Variants in NRG3 observed in about 807,000 individuals in gnomAD.
NRG3 encodes the protein pro-neuregulin-3, membrane-bound isoform.
Under a neutral mutation model 66.9 loss-of-function variants are expected in NRG3, and 31 were observed. The ratio of observed to expected loss-of-function variants is 0.46; its 90% CI spans 0.35 to 0.63. NRG3 has a LOEUF of 0.63. NRG3 is among the 20% of genes least tolerant of loss of function. The pLI is 0.00. For missense variants in NRG3, 910 were observed against 878.9 expected (o/e 1.04, Z -0.45); for synonymous variants, 393 against 359.4 (o/e 1.09, Z -1.06).
At chr10:82,166,676 A>G (rs540137387) in intron 1 of NRG3, 6 of 500,886 alleles carry the variant, frequency 1.2e-5, no homozygotes, top group South Asian at 6.4e-5. Flanking sequence ...AAAAATATAT[A>G]TATTTACTAA....
At chr10:82,085,172 T>C (rs1297720592) in intron 1 of NRG3, among the ~76,000 whole-genome samples, 1 of 152,136 alleles carries the variant, frequency 6.6e-6, no homozygotes. Context: ...GAGAGAATGG[T>C]ACTTCAAGAT....
At chr10:82,240,771 G>A (rs954456250) in intron 1 of NRG3, among the ~76,000 whole-genome samples, 6 of 152,174 alleles carry the variant, frequency 3.9e-5, no homozygotes, top group Non-Finnish European at 8.8e-5. Context: ...TGTGTTTAGA[G>A]AGGACTTCTG....
Position 82,921,144 on chromosome 10 carries a change from T to C in NRG3, c.1055-30325T>C, listed in dbSNP as rs545086368. Among the ~76,000 whole-genome samples the C allele has an allele frequency of 4.6e-5, 7 of 152,214 alleles. No individual in the cohort carries two copies. In the East Asian group the frequency reaches 1.4e-3, roughly 29 times the overall value. On this transcript the variant is annotated intron_variant, in intron 4 of 8. Coordinates refer to ENST00000372141, the MANE Select transcript of NRG3 (RefSeq NM_001010848.4). ...CAAGGTTAATATCAACAGTGATAAG[T>C]CATATTGATATGCTATTATAATAGC...
chr10:82,529,089 G>T (rs996525686), intron 2 of NRG3, among the ~76,000 whole-genome samples: 2 of 152,164 alleles, frequency 1.3e-5, no homozygotes, highest in Non-Finnish European at 2.9e-5. Flanking sequence ...TTTAACATGC[G>T]CTTAGAAGTC....
intron 1 of NRG3, among the ~76,000 whole-genome samples, chr10:82,019,332 G>T (rs1007272219): frequency 1.3e-5 from 2 of 152,180 alleles, no homozygotes; most frequent in East Asian, 1.9e-4. Flanking sequence ...GCTGGATTCA[G>T]TTTGCCAGTA....
chr10:81,875,919 C>T lies in NRG3; in HGVS notation c.579C>T (p.Val193=). 6.2e-7 allele frequency: 1 copy of T among 1,613,354 alleles called. No individual in the cohort carries two copies. The highest frequency in any genetic ancestry group is 8.5e-7 in the Non-Finnish European group (1 of 1,180,004). ...GGAACACTGCGGCCCCTGCGACGGT[C>T]CCGTCCACCACGGCCCCGTTCTTCA... The part of the protein sequence containing the change: ...TARNTAAPAT[V]PSTTAPFFSS... The change falls in exon 1 of 9, where the codon GTC becomes GTT. Residue 193 remains valine, a synonymous_variant. Coordinates refer to ENST00000372141, the MANE Select transcript of NRG3 (RefSeq NM_001010848.4). This position sits in a 1 kb window ranked among gnomAD's most constrained non-coding sequence, Gnocchi z 5.3.
chr10:82,541,222 A>T (rs548371693), intron 2 of NRG3, among the ~76,000 whole-genome samples: 2 of 152,318 alleles, frequency 1.3e-5, no homozygotes, highest in African/African-American at 2.4e-5. Context: ...ATAAAAATGA[A>T]TGTCAATATG....
Position 82,493,181 on chromosome 10 carries a change from G to A in NRG3, c.953+134313G>A, listed in dbSNP as rs188149234. On this transcript the variant is annotated intron_variant, in intron 2 of 8. Transcript: ENST00000372141. ...CTAGGATGTGCAGGTTTGTTACATA[G>A]GTAAATGTGTGCCATGGTGGTTTGC... Among the ~76,000 whole-genome samples, 82 of 152,054 alleles carry A rather than the reference G, an allele frequency of 5.4e-4. 1 individual carries two copies. Among genetic ancestry groups the A allele is most frequent in the Admixed American group, 2.7e-3 (41 of 15,276 alleles).
intron 2 of NRG3, among the ~76,000 whole-genome samples, chr10:82,643,977 A>G (rs571839073): frequency 5.3e-4 from 80 of 152,186 alleles, no homozygotes; most frequent in South Asian, 1.2e-3. Context: ...TAAAAGCAGT[A>G]AAAAAGCAGA....
At chr10:82,042,752 CTGTT>C (rs1219483536) in intron 1 of NRG3, among the ~76,000 whole-genome samples, 1 of 151,942 alleles carries the variant, frequency 6.6e-6, no homozygotes, top group Non-Finnish European at 1.5e-5. Flanking sequence ...AACTATTAGG[CTGTT>C]TGAGTTATCT....
intron 2 of NRG3, among the ~76,000 whole-genome samples, chr10:82,416,508 C>A (rs1212988820): frequency 6.6e-6 from 1 of 152,134 alleles, no homozygotes; most frequent in Admixed American, 6.5e-5. Flanking sequence ...GAGTTAAGGG[C>A]CATCTGGGCT....
intron 2 of NRG3, among the ~76,000 whole-genome samples, chr10:82,542,625 C>T (rs1255699596): frequency 2.6e-5 from 4 of 152,152 alleles, no homozygotes; most frequent in African/African-American, 9.6e-5. Flanking sequence ...AAGTGAACAT[C>T]ATAAGTAATG....
chr10:82,024,132 T>A (rs1253767801), intron 1 of NRG3, among the ~76,000 whole-genome samples: 2 of 152,018 alleles, frequency 1.3e-5, no homozygotes, highest in African/African-American at 4.8e-5. Context: ...TTTCAATTTG[T>A]TGGCTTATGG....
At chr10:82,234,666 G>A (rs1198100178) in intron 1 of NRG3, among the ~76,000 whole-genome samples, 1 of 152,226 alleles carries the variant, frequency 6.6e-6, no homozygotes, top group Non-Finnish European at 1.5e-5. Flanking sequence ...AAACATGAAA[G>A]AGAAAAATGA....
intron 7 of NRG3, among the ~76,000 whole-genome samples, chr10:82,976,709 A>T (rs1852289567): frequency 1.3e-5 from 2 of 152,078 alleles, no homozygotes; most frequent in Admixed American, 1.3e-4. Context: ...CTGTGGGTTC[A>T]GTGTAAGGCA....
At chr10:81,894,281 C>T (rs1843311600) in intron 1 of NRG3, among the ~76,000 whole-genome samples, 1 of 152,092 alleles carries the variant, frequency 6.6e-6, no homozygotes, top group Non-Finnish European at 1.5e-5. Flanking sequence ...GCAGAGGTTG[C>T]AGTGAGCCAA....
rs1333362220 is a variant in NRG3 at position 81,875,274 on chromosome 10, C to G, written c.-67C>G. Reference sequence around the variant, plus strand: ...CGGAGCCCGCGCCCGCGCCCGCGCCCGGCCCGCGCGGCCCCATGCCTCTGC... The same window carrying G: ...CGGAGCCCGCGCCCGCGCCCGCGCCGGGCCCGCGCGGCCCCATGCCTCTGC... On this transcript the variant is annotated 5_prime_UTR_variant, in exon 1 of 9. Coordinates refer to ENST00000372141, the MANE Select transcript of NRG3 (RefSeq NM_001010848.4). This position sits in a 1 kb window ranked among gnomAD's most constrained non-coding sequence, Gnocchi z 5.3. 2 of 967,166 alleles carry G rather than the reference C, an allele frequency of 2.1e-6. No homozygotes were observed. Among genetic ancestry groups the G allele is most frequent in the Non-Finnish European group, 2.5e-6 (2 of 816,034 alleles). The allele number at this position is 967,166 out of a possible 1,614,324, so 59.9% of individuals were successfully genotyped here.
intron 3 of NRG3, among the ~76,000 whole-genome samples, chr10:82,788,090 T>G (rs2060443112): frequency 6.6e-6 from 1 of 152,220 alleles, no homozygotes; most frequent in Non-Finnish European, 1.5e-5. Flanking sequence ...TATATTTTAT[T>G]TTATTGTGTT....
intron 3 of NRG3, among the ~76,000 whole-genome samples, chr10:82,831,774 A>T (rs1471966561): frequency 6.6e-6 from 1 of 152,156 alleles, no homozygotes; most frequent in Non-Finnish European, 1.5e-5. Context: ...AGATCGTGCC[A>T]TTGCACTCCA....
Sources: allele counts gnomAD v4.1 joint callset (sites outside exome capture counted in the v4.1 genomes callset), GRCh38; gene constraint gnomAD v4.1.1; non-coding constraint Gnocchi (gnomAD v3.1); transcripts MANE v1.5; gene names NCBI Gene and HGNC (gene_info 2026-07-23, HGNC 2026-07-21).